Variants in TFEC observed in about 807,000 individuals in gnomAD.
TFEC encodes the protein class E basic helix-loop-helix protein 34.
TFEC carries 31 observed loss-of-function variants against 41.6 expected under a neutral mutation model. The observed-to-expected ratio is 0.74, with a 90% CI of 0.56 to 1.01. The LOEUF (loss-of-function observed/expected upper bound fraction) is 1.01. Among genes scored for constraint, TFEC ranks in the 50% least tolerant of loss-of-function variants. The pLI is 0.00. For missense variants in TFEC, 402 were observed against 404.1 expected, an observed-to-expected ratio of 0.99 and a Z score of 0.04; for synonymous variants, 143 against 140.6, an observed-to-expected ratio of 1.02 and a Z score of -0.12.
intron 3 of TFEC, among the ~76,000 whole-genome samples, chr7:115,961,444 A>G (rs1792544576): frequency 6.6e-6 from 1 of 151,674 alleles, no homozygotes; most frequent in African/African-American, 2.4e-5. Flanking sequence ...TAAATAATAA[A>G]TGATAAAAAT....
At chr7:115,985,034 A>G (rs919821426) in intron 1 of TFEC, among the ~76,000 whole-genome samples, 2 of 151,930 alleles carry the variant, frequency 1.3e-5, no homozygotes, top group Non-Finnish European at 2.9e-5. Flanking sequence ...AATCTAGATG[A>G]TTTTTTTCTA....
intron 3 of TFEC, among the ~76,000 whole-genome samples, chr7:116,060,514 T>C (rs1282684229): frequency 6.6e-6 from 1 of 152,166 alleles, no homozygotes; most frequent in Non-Finnish European, 1.5e-5. Flanking sequence ...ATATACACCA[T>C]GGAATACTAT....
chr7:116,005,828 G>T (rs1794766923), intron 1 of TFEC, among the ~76,000 whole-genome samples: 1 of 152,184 alleles, frequency 6.6e-6, no homozygotes, highest in African/African-American at 2.4e-5. Context: ...AGGAAAAAAT[G>T]GTTTCCTGGG....
At chr7:116,111,718 A>G (rs1381946152) in intron 2 of TFEC, among the ~76,000 whole-genome samples, 2 of 152,042 alleles carry the variant, frequency 1.3e-5, no homozygotes, top group Admixed American at 6.6e-5. Context: ...CTGGGAAAAT[A>G]TCATTTTCTT....
At chr7:116,057,693 T>C (rs1796461177) in intron 3 of TFEC, among the ~76,000 whole-genome samples, 1 of 151,810 alleles carries the variant, frequency 6.6e-6, no homozygotes, top group Admixed American at 6.6e-5. Context: ...ACAATAGTAA[T>C]GCATTGAGGG....
At chr7:116,097,523 A>C (rs1191719532) in intron 3 of TFEC, among the ~76,000 whole-genome samples, 1 of 152,192 alleles carries the variant, frequency 6.6e-6, no homozygotes, top group Non-Finnish European at 1.5e-5. Flanking sequence ...GCAAAAGTTA[A>C]TCTGATAACG....
At chr7:116,101,197 C>CA (rs1291433203) in intron 3 of TFEC, among the ~76,000 whole-genome samples, 17 of 139,892 alleles carry the variant, frequency 1.2e-4, no homozygotes, top group Admixed American at 5.0e-4. Context: ...TGCCCCCCCC[C>CA]AAAAAAAAGA....
chr7:116,032,508 A>G (rs1562944324), upstream of TFEC, among the ~76,000 whole-genome samples: 1 of 152,214 alleles, frequency 6.6e-6, no homozygotes, highest in East Asian at 1.9e-4. Context: ...GTCATAAAAA[A>G]GAATGAGATC....
At chr7:116,087,843 C>G (rs1797236149) in intron 3 of TFEC, among the ~76,000 whole-genome samples, 1 of 152,082 alleles carries the variant, frequency 6.6e-6, no homozygotes, top group African/African-American at 2.4e-5. Flanking sequence ...AATGTCAGAG[C>G]CAAAAGGCTT....
intron 1 of TFEC, among the ~76,000 whole-genome samples, chr7:116,143,143 A>T (rs1230575793): frequency 6.6e-6 from 1 of 152,176 alleles, no homozygotes; most frequent in Admixed American, 6.5e-5. Flanking sequence ...TAGCTGGATA[A>T]TGGTGACCAC....
chr7:116,154,546 T>C (rs1798828940), intron 1 of TFEC, among the ~76,000 whole-genome samples: 1 of 152,178 alleles, frequency 6.6e-6, no homozygotes, highest in Non-Finnish European at 1.5e-5. Flanking sequence ...GGAATATATA[T>C]TAATGAACAA....
intron 3 of TFEC, among the ~76,000 whole-genome samples, chr7:116,085,030 T>G (rs1281884701): frequency 6.6e-6 from 1 of 151,788 alleles, no homozygotes; most frequent in Non-Finnish European, 1.5e-5. Context: ...GGAGATAGCT[T>G]GAAGAAAGAG....
At chr7:116,028,396 C>A (rs184947422) in intron 1 of TFEC, among the ~76,000 whole-genome samples, 139 of 152,266 alleles carry the variant, frequency 9.1e-4, no homozygotes, top group Non-Finnish European at 1.5e-3. Flanking sequence ...AAATTAGTTT[C>A]TTGCTGTTTT....
intron 1 of TFEC, among the ~76,000 whole-genome samples, chr7:116,005,766 A>T (rs1237130490): frequency 3.3e-5 from 5 of 152,206 alleles, no homozygotes; most frequent in Non-Finnish European, 7.4e-5. Flanking sequence ...TTTCCAGGGC[A>T]TGACAGAGAC....
rs1793360869 is a variant in TFEC, at chr7:115,939,027, T to C, written c.*1524A>G. On this transcript the variant is annotated 3_prime_UTR_variant, in exon 8 of 8. Coordinates refer to ENST00000265440, the MANE Select transcript of TFEC (RefSeq NM_012252.4). ...CCTCACTTTCACTCAATTAATGCCT[T>C]TCAAAGAGAAGTCAAATTCTGCTGT... 1 of 152,036 alleles carries C rather than the reference T, an allele frequency of 6.6e-6. No individual in the cohort carries two copies. The highest frequency in any genetic ancestry group is 1.5e-5 in the Non-Finnish European group (1 of 67,936). 9.4% of individuals were successfully genotyped at this position (152,036 alleles called of 1,614,324 possible). A position where few individuals can be genotyped will look rare whatever the true frequency, so the allele number is the denominator to read the frequency against.
At chr7:115,959,695 A>AG (rs1792428450) in intron 3 of TFEC, among the ~76,000 whole-genome samples, 2 of 151,566 alleles carry the variant, frequency 1.3e-5, no homozygotes, top group African/African-American at 4.8e-5. Context: ...TAGAATGCTT[A>AG]GAAAAAAAAT....
intron 3 of TFEC, among the ~76,000 whole-genome samples, chr7:116,053,805 C>T (rs771811102): frequency 7.9e-5 from 12 of 152,294 alleles, no homozygotes; most frequent in African/African-American, 1.4e-4. Flanking sequence ...ATCTCCAGAA[C>T]TATAAGAAAT....
At chr7:116,022,276 A>G (rs1430166132) in intron 1 of TFEC, among the ~76,000 whole-genome samples, 1 of 152,216 alleles carries the variant, frequency 6.6e-6, no homozygotes, top group Non-Finnish European at 1.5e-5. Flanking sequence ...CAAGAGAAAG[A>G]GAAATTTTAA....
chr7:116,037,443 A>C (rs1795936418), intron 3 of TFEC, among the ~76,000 whole-genome samples: 1 of 151,952 alleles, frequency 6.6e-6, no homozygotes, highest in Admixed American at 6.6e-5. Flanking sequence ...ATAGAACTGG[A>C]TTTTTTATGC....
Sources: allele counts gnomAD v4.1 joint callset (sites outside exome capture counted in the v4.1 genomes callset), GRCh38; gene constraint gnomAD v4.1.1; transcripts MANE v1.5; gene names NCBI Gene and HGNC (gene_info 2026-07-23, HGNC 2026-07-21).